Variants in FAM184A observed in about 807,000 individuals in gnomAD.
FAM184A encodes family with sequence similarity 184 member A.
FAM184A carries 99 observed loss-of-function variants against 143.8 expected under a neutral mutation model. The observed-to-expected ratio is 0.69, with a 90% CI of 0.58 to 0.81. The LOEUF (loss-of-function observed/expected upper bound fraction) is 0.81. Among genes scored for constraint, FAM184A ranks in the 40% least tolerant of loss-of-function variants. The pLI is 0.00. For missense variants in FAM184A, 1,217 were observed against 1,310.5 expected (o/e 0.93, Z 1.10); for synonymous variants, 427 against 446.4 (o/e 0.96, Z 0.55).
At chr6:119,120,484 G>A (rs1789181842) in intron 1 of FAM184A, among the ~76,000 whole-genome samples, 1 of 152,194 alleles carries the variant, frequency 6.6e-6, no homozygotes, top group South Asian at 2.1e-4. Context: ...CAAATGTGTG[G>A]ACAAATGTTT....
chr6:119,103,939 A>AG (rs1788710361), intron 1 of FAM184A, among the ~76,000 whole-genome samples: 1 of 123,954 alleles, frequency 8.1e-6, no homozygotes, highest in East Asian at 3.3e-4. Context: ...AAAAAAAAAA[A>AG]AAAAAAAAAA....
intron 13 of FAM184A, 73 bp from the exon 14 acceptor site, chr6:118,974,647 A>G (rs771484947): frequency 7.9e-5 from 103 of 1,302,322 alleles, no homozygotes; most frequent in Non-Finnish European, 1.0e-4. Flanking sequence ...TTATTCTACC[A>G]GATTTGAAAT....
intron 17 of FAM184A, among the ~76,000 whole-genome samples, chr6:118,961,021 G>T (rs1783307416): frequency 6.6e-6 from 1 of 151,764 alleles, no homozygotes; most frequent in Admixed American, 6.6e-5. Context: ...TGCCTACTTT[G>T]TAAGACTATT....
intron 1 of FAM184A, among the ~76,000 whole-genome samples, chr6:119,048,642 A>G (rs1337475974): frequency 2.0e-5 from 3 of 152,198 alleles, no homozygotes; most frequent in Non-Finnish European, 4.4e-5. Context: ...TGCCACAAAA[A>G]GAATAAAATA....
chr6:119,090,432 G>T (rs1206224587), intron 1 of FAM184A, among the ~76,000 whole-genome samples: 3 of 152,216 alleles, frequency 2.0e-5, no homozygotes, highest in Admixed American at 6.5e-5. Flanking sequence ...GGAAGGCAGA[G>T]AGATCCAGCA....
intron 9 of FAM184A, among the ~76,000 whole-genome samples, chr6:119,001,630 G>A (rs1784759697): frequency 6.6e-6 from 1 of 152,080 alleles, no homozygotes; most frequent in Admixed American, 6.6e-5. Flanking sequence ...GAGATTAAAG[G>A]AATAACAAAT....
chr6:119,078,510 A>T lies in FAM184A; in HGVS notation c.-211T>A. On this transcript the variant is annotated 5_prime_UTR_variant, in exon 1 of 18. Transcript: ENST00000338891. This position sits in a 1 kb window ranked among gnomAD's most constrained non-coding sequence, Gnocchi z 5.5. ...GTCCCGCCGGCCCGAAGCCGCGGGG[A>T]CAACGGCGCGGGGCAGATGCCCGGG... 2.6e-6 allele frequency: 1 copy of T among 386,770 alleles called. No homozygotes were observed. The highest frequency in any genetic ancestry group is 4.7e-5 in the Admixed American group (1 of 21,490). The allele number at this position is 386,770 out of a possible 1,614,324, so 24.0% of individuals were successfully genotyped here.
intron 1 of FAM184A, among the ~76,000 whole-genome samples, chr6:119,062,609 G>A (rs1234464452): frequency 2.0e-5 from 3 of 152,132 alleles, no homozygotes; most frequent in Non-Finnish European, 4.4e-5. Context: ...GCAGTGAGCT[G>A]TGATCGCACC....
chr6:119,087,486 G>C (rs753774756), intron 1 of FAM184A, among the ~76,000 whole-genome samples: 7 of 152,140 alleles, frequency 4.6e-5, no homozygotes, highest in Non-Finnish European at 1.0e-4. Flanking sequence ...CACATAAAAA[G>C]ATGGTCAAAA....
At chr6:119,023,863 C>A in intron 2 of FAM184A, 96 bp downstream of exon 2, 2 of 953,490 alleles carry the variant, frequency 2.1e-6, no homozygotes, top group Middle Eastern at 3.2e-4. Flanking sequence ...TGTGAAGCCA[C>A]TGATTCTAAG....
chr6:118,962,285 A>T (rs1783355821), intron 16 of FAM184A: 1 of 285,896 alleles, frequency 3.5e-6, no homozygotes, highest in African/African-American at 2.2e-5. Flanking sequence ...AGAAAAGGGA[A>T]AAAGGATTAG....
intron 1 of FAM184A, among the ~76,000 whole-genome samples, chr6:119,122,495 G>C (rs1789243551): frequency 6.6e-6 from 1 of 152,164 alleles, no homozygotes; most frequent in Non-Finnish European, 1.5e-5. Flanking sequence ...GAGGGCAAAA[G>C]GAACAGGAAT....
intron 1 of FAM184A, among the ~76,000 whole-genome samples, chr6:119,134,645 C>A (rs547787887): frequency 1.8e-5 from 2 of 113,110 alleles, no homozygotes; most frequent in South Asian, 6.4e-4. Context: ...CAGAATGAGA[C>A]CTTGTCTCAA....
intron 1 of FAM184A, among the ~76,000 whole-genome samples, chr6:119,064,853 G>C (rs1765878627): frequency 6.6e-6 from 1 of 152,018 alleles, no homozygotes. Flanking sequence ...TTTCTACTCT[G>C]CTTAAGGCCC....
At chr6:119,064,430 G>A (rs1386811779) in intron 1 of FAM184A, among the ~76,000 whole-genome samples, 1 of 152,208 alleles carries the variant, frequency 6.6e-6, no homozygotes, top group Non-Finnish European at 1.5e-5. Context: ...GCTGGGCATG[G>A]TGGCTTATAC....
chr6:119,111,886 A>G (rs1582626072), intron 1 of FAM184A, among the ~76,000 whole-genome samples: 1 of 152,354 alleles, frequency 6.6e-6, no homozygotes, highest in East Asian at 1.9e-4. Context: ...TTTTCATTAA[A>G]GAAACAGAAA....
chr6:119,006,323 T>C (rs1014861747), intron 7 of FAM184A, 124 bp downstream of exon 7: 101 of 933,954 alleles, frequency 1.1e-4, no homozygotes, highest in Non-Finnish European at 1.3e-4. Context: ...TACTTTGTTA[T>C]GGTAGTTCTA....
At chr6:118,983,956 C>A (rs1322286877) in intron 9 of FAM184A, among the ~76,000 whole-genome samples, 1 of 151,226 alleles carries the variant, frequency 6.6e-6, no homozygotes, top group Non-Finnish European at 1.5e-5. Flanking sequence ...TGAGACCGGC[C>A]TGGCCAACAT....
chr6:118,994,485 G>A (rs1784477631), intron 9 of FAM184A, among the ~76,000 whole-genome samples: 1 of 151,698 alleles, frequency 6.6e-6, no homozygotes, highest in East Asian at 1.9e-4. Flanking sequence ...AAGAGATTGA[G>A]ACCACCCTGG....
Sources: allele counts gnomAD v4.1 joint callset (sites outside exome capture counted in the v4.1 genomes callset), GRCh38; gene constraint gnomAD v4.1.1; non-coding constraint Gnocchi (gnomAD v3.1); transcripts MANE v1.5; gene names NCBI Gene and HGNC (gene_info 2026-07-23, HGNC 2026-07-21).